The following VWA3B variants were observed in gnomAD, a reference collection of about 807,000 sequenced individuals.
The protein encoded by VWA3B is von Willebrand factor A domain-containing protein 3B.
In VWA3B, 138 loss-of-function variants were observed where a neutral mutation model predicts 158.3. That is an observed-to-expected ratio of 0.87 (90% CI 0.76 to 1.00). The LOEUF is 1.00. VWA3B is among the 50% of genes least tolerant of loss of function. VWA3B has a pLI of 0.00. For synonymous variants in VWA3B, 596 were observed against 587.3 expected (o/e 1.01, Z -0.21); for missense variants, 1,555 against 1,565.1 (o/e 0.99, Z 0.11).
chr2:98,163,759 G>A (rs571851405), intron 8 of VWA3B, among the ~76,000 whole-genome samples: 2 of 152,292 alleles, frequency 1.3e-5, no homozygotes, highest in Non-Finnish European at 2.9e-5. Context: ...AACTTGACAG[G>A]ATTCTTTCAG....
At chr2:98,217,481 A>G (rs1056782336) in intron 13 of VWA3B, among the ~76,000 whole-genome samples, 4 of 152,198 alleles carry the variant, frequency 2.6e-5, no homozygotes, top group African/African-American at 4.8e-5. Context: ...GCGGTTGACC[A>G]TAGCATGTTG....
intron 22 of VWA3B, among the ~76,000 whole-genome samples, chr2:98,283,826 A>G (rs1689015204): frequency 6.6e-6 from 1 of 152,256 alleles, no homozygotes; most frequent in Admixed American, 6.5e-5. Flanking sequence ...CTGAGGCCCA[A>G]GAAGGCTGAG....
chr2:98,158,760 G>A (rs1255230491), intron 7 of VWA3B, among the ~76,000 whole-genome samples: 2 of 151,974 alleles, frequency 1.3e-5, no homozygotes, highest in African/African-American at 4.8e-5. Context: ...GGGACGGGGT[G>A]GGTGCAGCGG....
chr2:98,217,420 G>A (rs902821278), intron 13 of VWA3B, among the ~76,000 whole-genome samples: 22 of 152,102 alleles, frequency 1.4e-4, no homozygotes, highest in Non-Finnish European at 2.6e-4. Flanking sequence ...TGAATGCCCA[G>A]CACATGGGAA....
intron 26 of VWA3B, among the ~76,000 whole-genome samples, chr2:98,304,928 A>G (rs985410521): frequency 1.3e-5 from 2 of 152,008 alleles, no homozygotes; most frequent in Non-Finnish European, 2.9e-5. Flanking sequence ...GCGTCATCGG[A>G]TAGACTCAAC....
At chr2:98,318,359 G>A in the VWA3B span, among the ~76,000 whole-genome samples, 2 of 152,092 alleles carry the variant, frequency 1.3e-5, no homozygotes, top group African/African-American at 4.8e-5. Context: ...AGAAAATATG[G>A]TACATATACA....
At chr2:98,304,969 T>G (rs771060053) in intron 26 of VWA3B, among the ~76,000 whole-genome samples, 1 of 152,158 alleles carries the variant, frequency 6.6e-6, no homozygotes, top group Non-Finnish European at 1.5e-5. Context: ...TCCTGAGCCT[T>G]GGATATAGGC....
intron 7 of VWA3B, among the ~76,000 whole-genome samples, chr2:98,160,393 C>T (rs17492354): frequency 0.12 from 17,824 of 152,062 alleles, 1,107 homozygotes; most frequent in South Asian, 0.13. Flanking sequence ...CTCTGATCAC[C>T]GACATAGCAG....
chr2:98,285,173 C>T (rs1185026051), intron 22 of VWA3B, among the ~76,000 whole-genome samples: 2 of 152,114 alleles, frequency 1.3e-5, no homozygotes, highest in African/African-American at 2.4e-5. Flanking sequence ...CTAACAAGAT[C>T]CCTCATGCCC....
At chr2:98,136,686 A>G (rs948104764) in intron 7 of VWA3B, among the ~76,000 whole-genome samples, 5 of 151,756 alleles carry the variant, frequency 3.3e-5, no homozygotes, top group African/African-American at 1.2e-4. Flanking sequence ...CTCCATCCTC[A>G]TGACTTAATC....
At chr2:98,245,577 T>A (rs559143860) in intron 19 of VWA3B, 2 of 457,006 alleles carry the variant, frequency 4.4e-6, no homozygotes, top group African/African-American at 4.0e-5. Context: ...ACGAAAGGCA[T>A]GAGGTTGAAA....
chr2:98,321,842 G>T, the VWA3B span, among the ~76,000 whole-genome samples: 5 of 152,160 alleles, frequency 3.3e-5, no homozygotes, highest in African/African-American at 7.2e-5. Flanking sequence ...GTGGTGGAAT[G>T]ATATGGTTTG....
At chr2:98,151,070 C>T (rs1677583636) in intron 7 of VWA3B, among the ~76,000 whole-genome samples, 1 of 152,058 alleles carries the variant, frequency 6.6e-6, no homozygotes, top group Non-Finnish European at 1.5e-5. Flanking sequence ...GTCTACATGT[C>T]ACCTGCAGTT....
intron 1 of VWA3B, among the ~76,000 whole-genome samples, chr2:98,091,147 C>G (rs1559524387): frequency 6.6e-6 from 1 of 152,136 alleles, no homozygotes; most frequent in African/African-American, 2.4e-5. Context: ...TAGGGCCCTA[C>G]TAGAATGCAG....
In VWA3B at chr2:98,270,766, A is replaced by G; in HGVS notation, c.2928A>G (p.Ser976=). 6.2e-7 allele frequency: 1 copy of G among 1,614,198 alleles called. No individual in the cohort carries two copies. The highest frequency in any genetic ancestry group is 8.5e-7 in the Non-Finnish European group (1 of 1,180,002). Residue 976 remains serine, a synonymous_variant, in exon 22 of 28, where the codon TCA becomes TCG. Transcript: ENST00000477737. ...QALERLNWPI[S]LKELSMLESE... ...TAGAACGGTTGAATTGGCCCATTTC[A>G]CTGAAAGAGCTGTCGATGCTGGAAA...
intron 25 of VWA3B, among the ~76,000 whole-genome samples, chr2:98,302,878 G>T (rs1236148154): frequency 1.3e-5 from 2 of 152,222 alleles, no homozygotes; most frequent in African/African-American, 4.8e-5. Flanking sequence ...AAAGGAGAAA[G>T]ACCATCAGAG....
intron 22 of VWA3B, among the ~76,000 whole-genome samples, chr2:98,271,601 A>G (rs1024399889): frequency 9.2e-5 from 14 of 152,194 alleles, no homozygotes; most frequent in African/African-American, 3.4e-4. Flanking sequence ...TGGTTACATA[A>G]TATTCCATGG....
intron 16 of VWA3B, among the ~76,000 whole-genome samples, chr2:98,233,652 C>T (rs1685484556): frequency 1.3e-5 from 2 of 152,178 alleles, no homozygotes; most frequent in Admixed American, 1.3e-4. Flanking sequence ...CCGTATAGCA[C>T]ACTCCTTCTC....
chr2:98,296,698 C>T (rs1689821130), intron 23 of VWA3B, among the ~76,000 whole-genome samples: 1 of 152,206 alleles, frequency 6.6e-6, no homozygotes, highest in Non-Finnish European at 1.5e-5. Flanking sequence ...TTTCTGTCTC[C>T]AGGAGGGTCT....
Sources: allele counts gnomAD v4.1 joint callset (sites outside exome capture counted in the v4.1 genomes callset), GRCh38; gene constraint gnomAD v4.1.1; transcripts MANE v1.5; gene names NCBI Gene and HGNC (gene_info 2026-07-23, HGNC 2026-07-21).